ME1: variants seen among roughly 807,000 people sequenced by gnomAD.
ME1 encodes the protein malic enzyme 1, also known as NADP-dependent malic enzyme.
A neutral mutation model predicts 66.4 loss-of-function variants in ME1; 74 were observed. The ratio of observed to expected loss-of-function variants is 1.11; its 90% CI spans 0.92 to 1.35. ME1 has a LOEUF of 1.35. ME1 is among the 40% of genes most tolerant of loss of function. The probability of loss-of-function intolerance (pLI) is 0.00; values close to 1 mark genes in which losing one functional copy is unlikely to be tolerated. For missense variants in ME1, 750 were observed against 694.1 expected (o/e 1.08, Z -0.90); for synonymous variants, 251 against 235.6 (o/e 1.07, Z -0.60).
At chr6:83,425,257 G>A (rs1342965656) in intron 1 of ME1, among the ~76,000 whole-genome samples, 1 of 151,928 alleles carries the variant, frequency 6.6e-6, no homozygotes, top group Non-Finnish European at 1.5e-5. Context: ...CGGCCTCCCA[G>A]GTGGCTCACA....
chr6:83,237,027 T>C (rs1467059289), intron 9 of ME1, among the ~76,000 whole-genome samples: 5 of 117,832 alleles, frequency 4.2e-5, no homozygotes, highest in Non-Finnish European at 8.7e-5. Flanking sequence ...CAGTGAAAGC[T>C]GTACAGTTTT....
intron 3 of ME1, among the ~76,000 whole-genome samples, chr6:83,357,935 C>CTCTCTCTCTATATATA (rs1447805761): frequency 1.0e-4 from 3 of 30,040 alleles, no homozygotes; most frequent in African/African-American, 1.2e-4. Flanking sequence ...CTCTCTCTCT[C>CTCTCTCTCTATATATA]TATATATATA....
At chr6:83,274,778 C>T (rs1399606891) in intron 6 of ME1, among the ~76,000 whole-genome samples, 1 of 152,182 alleles carries the variant, frequency 6.6e-6, no homozygotes, top group Non-Finnish European at 1.5e-5. Flanking sequence ...CAAATCACTA[C>T]ACAAATAAGA....
At chr6:83,422,853 T>C (rs1770293572) in intron 1 of ME1, among the ~76,000 whole-genome samples, 1 of 152,048 alleles carries the variant, frequency 6.6e-6, no homozygotes, top group African/African-American at 2.4e-5. Flanking sequence ...TATAGTCACC[T>C]GAGGCTCAGA....
At chr6:83,393,543 T>A in intron 3 of ME1, 1 of 242,208 alleles carries the variant, frequency 4.1e-6, no homozygotes, top group Non-Finnish European at 7.5e-6. Flanking sequence ...GCAGACCCCC[T>A]AAAAGGGAGG....
rs373344774 is a variant in ME1 at position 83,237,284 on chromosome 6, G to A, written c.1026+433C>T. On this transcript the variant is annotated intron_variant, in intron 9 of 13. Transcript: ENST00000369705. ...GAAAGAAAGAAAGAAAGAAAGGAAG[G>A]AAGGAAGGAAAGAAAGAAAAAGAAA... Among the ~76,000 whole-genome samples the A allele has an allele frequency of 6.6e-3, 191 of 28,762 alleles. 3 individuals carry two copies. The highest frequency in any genetic ancestry group is 8.0e-3 in the Non-Finnish European group (106 of 13,258). 18.9% of individuals were successfully genotyped at this position (28,762 alleles called of 152,430 possible).
At chr6:83,267,480 T>C (rs1767007445) in intron 6 of ME1, among the ~76,000 whole-genome samples, 1 of 152,178 alleles carries the variant, frequency 6.6e-6, no homozygotes, top group South Asian at 2.1e-4. Flanking sequence ...AATAAAAATC[T>C]GATAATTTTG....
intron 6 of ME1, among the ~76,000 whole-genome samples, chr6:83,281,560 C>A (rs1216594141): frequency 6.6e-6 from 1 of 152,010 alleles, no homozygotes; most frequent in Non-Finnish European, 1.5e-5. Context: ...AATCCCAGCA[C>A]TTTGGGAGGC....
At chr6:83,249,541 T>C (rs1460989171) in intron 7 of ME1, among the ~76,000 whole-genome samples, 4 of 152,216 alleles carry the variant, frequency 2.6e-5, no homozygotes, top group Non-Finnish European at 5.9e-5. Context: ...TTATTATTTA[T>C]AAAGTACCTT....
chr6:83,295,548 C>T (rs990634265), intron 6 of ME1, among the ~76,000 whole-genome samples: 12 of 151,910 alleles, frequency 7.9e-5, no homozygotes, highest in African/African-American at 2.7e-4. Context: ...TCACTCTTGT[C>T]GCCCAGGCTG....
intron 6 of ME1, among the ~76,000 whole-genome samples, chr6:83,275,560 G>A (rs1297261089): frequency 1.4e-5 from 2 of 141,822 alleles, no homozygotes; most frequent in African/African-American, 2.6e-5. Flanking sequence ...CCGCCTCCCG[G>A]GTTCATGCCA....
At position 83,348,984 on chromosome 6, in the gene ME1, C is replaced by CAAAAAAAA. The variant is rs71545855; in HGVS notation, c.439-2658_439-2651dup. Among the ~76,000 whole-genome samples the CAAAAAAAA allele has an allele frequency of 1.0e-3, 48 of 47,122 alleles. 1 individual carries two copies. The highest frequency in any genetic ancestry group is 3.1e-3 in the African/African-American group (39 of 12,710). The allele number at this position is 47,122 out of a possible 152,430, so 30.9% of individuals were successfully genotyped here. On this transcript the variant is annotated intron_variant, in intron 4 of 13. Transcript: ENST00000369705. Reference sequence around the variant, plus strand: ...GGGCAACAAGAGCAAAACTCTGTCTCAAAAAAAAAAAAAAAAACAAAAAAC... The same window carrying CAAAAAAAA: ...GGGCAACAAGAGCAAAACTCTGTCTCAAAAAAAAAAAAAAAAAAAAAAAAACAAAAAAC...
At chr6:83,258,281 C>G (rs760031980) in intron 6 of ME1, among the ~76,000 whole-genome samples, 1 of 152,062 alleles carries the variant, frequency 6.6e-6, no homozygotes, top group Non-Finnish European at 1.5e-5. Context: ...GTAGTTAACT[C>G]TGATTTGACT....
intron 6 of ME1, among the ~76,000 whole-genome samples, chr6:83,275,409 A>C (rs1767158803): frequency 6.6e-6 from 1 of 151,864 alleles, no homozygotes; most frequent in Non-Finnish European, 1.5e-5. Flanking sequence ...GTATAAACCG[A>C]ACCATATTGA....
chr6:83,258,299 A>G (rs988377255), intron 6 of ME1, among the ~76,000 whole-genome samples: 1 of 152,092 alleles, frequency 6.6e-6, no homozygotes, highest in Non-Finnish European at 1.5e-5. Context: ...ACTCCTAAAG[A>G]TTTAGAGAGA....
At chr6:83,422,974 G>C (rs1425477437) in intron 1 of ME1, among the ~76,000 whole-genome samples, 2 of 151,944 alleles carry the variant, frequency 1.3e-5, no homozygotes, top group Non-Finnish European at 2.9e-5. Flanking sequence ...TATCAAATTT[G>C]ATAAAAGACA....
intron 3 of ME1, among the ~76,000 whole-genome samples, chr6:83,357,929 CTCTCTCTA>C (rs1397618316): frequency 9.9e-4 from 56 of 56,316 alleles, no homozygotes; most frequent in African/African-American, 2.1e-3. Flanking sequence ...CTCTCTCTCT[CTCTCTCTA>C]TATATATATA....
In ME1 at chr6:83,227,403, T is replaced by A; in HGVS notation, c.1207A>T (p.Ile403Phe). 1 of 1,607,082 alleles carries A rather than the reference T, an allele frequency of 6.2e-7. No homozygotes were observed. Among genetic ancestry groups the A allele is most frequent in the Non-Finnish European group, 8.5e-7 (1 of 1,175,438 alleles). The change falls in exon 11 of 14, where the codon ATT becomes TTT. Residue 403 changes from isoleucine (I) to phenylalanine (F), a missense_variant. By Grantham distance (21) the Ile-to-Phe change is conservative (BLOSUM62 0). Transcript: ENST00000369705. ...DMAAFNERPI[I>F]FALSNPTSKA... ...CTAGTTGGATTACTCAAAGCAAAAA[T>A]AATAGGCCGTTCATTGAAGGCAGCC...
intron 7 of ME1, among the ~76,000 whole-genome samples, chr6:83,240,814 C>T (rs1790496864): frequency 6.6e-6 from 1 of 152,090 alleles, no homozygotes; most frequent in African/African-American, 2.4e-5. Context: ...TCTATTCAAT[C>T]TTTTAGTTTC....
Sources: allele counts gnomAD v4.1 joint callset (sites outside exome capture counted in the v4.1 genomes callset), GRCh38; gene constraint gnomAD v4.1.1; transcripts MANE v1.5; gene names NCBI Gene and HGNC (gene_info 2026-07-23, HGNC 2026-07-21).